The following IMPG1 variants were observed in gnomAD, a reference collection of about 807,000 sequenced individuals.
The protein encoded by IMPG1 is interphotoreceptor matrix proteoglycan 1, also known as interphotoreceptor matrix proteoglycan of 150 kDa.
Under a neutral mutation model 92.0 loss-of-function variants are expected in IMPG1, and 85 were observed. The ratio of observed to expected loss-of-function variants is 0.92; its 90% CI spans 0.78 to 1.11. The LOEUF is 1.11. IMPG1 is among the 50% of genes least tolerant of loss of function. IMPG1 has a pLI of 0.00. For missense variants in IMPG1, 1,022 were observed against 956.0 expected, an observed-to-expected ratio of 1.07 and a Z score of -0.91; for synonymous variants, 367 against 334.1, an observed-to-expected ratio of 1.10 and a Z score of -1.08.
intron 4 of IMPG1, among the ~76,000 whole-genome samples, chr6:76,032,769 T>G (rs1783672514): frequency 6.6e-6 from 1 of 152,224 alleles, no homozygotes; most frequent in Admixed American, 6.5e-5. Flanking sequence ...AGGCAGATTC[T>G]TCCAAGCAAG....
intron 4 of IMPG1, among the ~76,000 whole-genome samples, chr6:76,031,769 A>C (rs999747429): frequency 6.6e-6 from 1 of 152,246 alleles, no homozygotes; most frequent in African/African-American, 2.4e-5. Context: ...CTGTAAAAAA[A>C]AGTAACCAAG....
At chr6:75,997,282 G>T (rs1409972542) in intron 12 of IMPG1, among the ~76,000 whole-genome samples, 1 of 152,192 alleles carries the variant, frequency 6.6e-6, no homozygotes, top group Non-Finnish European at 1.5e-5. Context: ...TGGTAAGAAA[G>T]AACAGGCAAA....
At chr6:75,947,576 G>GAAA in intron 13 of IMPG1, 43 bp from the exon 14 acceptor site, 1 of 1,342,222 alleles carries the variant, frequency 7.5e-7, no homozygotes, top group Admixed American at 1.9e-5. Flanking sequence ...TGTTCTAAGT[G>GAAA]CTCAGCTGCT....
intron 12 of IMPG1, among the ~76,000 whole-genome samples, chr6:75,965,389 T>C (rs1331599329): frequency 1.4e-4 from 21 of 151,462 alleles, no homozygotes; most frequent in Admixed American, 1.4e-3. Flanking sequence ...TAATTTTAGC[T>C]ATTCTGATCA....
chr6:75,975,811 A>T (rs1275018016), intron 12 of IMPG1, among the ~76,000 whole-genome samples: 1 of 152,218 alleles, frequency 6.6e-6, no homozygotes. Context: ...CAACTACTCA[A>T]CTATGCTGCT....
At chr6:75,957,369 G>C (rs533671445) in intron 12 of IMPG1, among the ~76,000 whole-genome samples, 2 of 152,318 alleles carry the variant, frequency 1.3e-5, no homozygotes, top group South Asian at 4.1e-4. Flanking sequence ...GTGGTGCTGA[G>C]AAGAATGTAT....
intron 12 of IMPG1, among the ~76,000 whole-genome samples, chr6:75,967,815 A>G (rs1302042105): frequency 1.3e-5 from 2 of 152,220 alleles, no homozygotes; most frequent in Admixed American, 6.5e-5. Flanking sequence ...TTGTAAGTGA[A>G]AGAAAGAGTG....
At chr6:75,949,534 A>G (rs1781988834) in intron 13 of IMPG1, among the ~76,000 whole-genome samples, 2 of 152,208 alleles carry the variant, frequency 1.3e-5, no homozygotes, top group South Asian at 4.1e-4. Flanking sequence ...TGCTCTGTCT[A>G]TGGAGTAGCC....
intron 6 of IMPG1, among the ~76,000 whole-genome samples, chr6:76,020,839 C>G (rs919691771): frequency 6.6e-6 from 1 of 152,156 alleles, no homozygotes; most frequent in African/African-American, 2.4e-5. Flanking sequence ...GTGTGACTTA[C>G]TTTCCAATCT....
chr6:76,028,238 C>T (rs535780790), intron 4 of IMPG1, among the ~76,000 whole-genome samples: 1 of 152,194 alleles, frequency 6.6e-6, no homozygotes, highest in Admixed American at 6.5e-5. Context: ...TATTCACAGA[C>T]AATTGCTGTC....
chr6:76,036,904 CA>C (rs1471184896), intron 2 of IMPG1, among the ~76,000 whole-genome samples: 2 of 148,676 alleles, frequency 1.3e-5, no homozygotes, highest in African/African-American at 5.0e-5. Flanking sequence ...TTAAACTTGA[CA>C]AAAAACTAGA....
chr6:76,035,519 A>T (rs1004897583), intron 2 of IMPG1, among the ~76,000 whole-genome samples: 1 of 151,340 alleles, frequency 6.6e-6, no homozygotes, highest in Non-Finnish European at 1.5e-5. Context: ...AAAAAAAAAA[A>T]AAAAAGAAAA....
intron 12 of IMPG1, among the ~76,000 whole-genome samples, chr6:75,959,182 C>T (rs1782175373): frequency 6.6e-6 from 1 of 152,128 alleles, no homozygotes. Context: ...ACTGTAGACC[C>T]TGTTTTCCTG....
chr6:76,042,391 C>A (rs772224824), intron 1 of IMPG1, among the ~76,000 whole-genome samples: 2 of 151,990 alleles, frequency 1.3e-5, no homozygotes, highest in Non-Finnish European at 2.9e-5. Flanking sequence ...ATATTGAAAC[C>A]ATTTCCCACA....
In IMPG1 at chr6:75,921,800, G is replaced by A. The variant is rs144253965; in HGVS notation, c.*289C>T. 714 of 237,348 alleles carry A rather than the reference G, an allele frequency of 3.0e-3. 4 individuals are homozygous for A. Among genetic ancestry groups the A allele is most frequent in the Non-Finnish European group, 4.3e-3 (533 of 123,376 alleles). 14.7% of individuals were successfully genotyped at this position (237,348 alleles called of 1,614,324 possible). On this transcript the variant is annotated 3_prime_UTR_variant, in exon 17 of 17. Coordinates refer to ENST00000369950, the MANE Select transcript of IMPG1 (RefSeq NM_001563.4). ...GTGAGTAAAATTTTCAGGGAAGGTGGAAGCAAACCTGGCTTATGATCATTT... is the reference window on the plus strand; with the variant it reads ...GTGAGTAAAATTTTCAGGGAAGGTGAAAGCAAACCTGGCTTATGATCATTT...
intron 1 of IMPG1, among the ~76,000 whole-genome samples, chr6:76,045,732 C>A (rs1320636897): frequency 6.6e-6 from 1 of 152,052 alleles, no homozygotes; most frequent in African/African-American, 2.4e-5. Flanking sequence ...ATGAAAGCAC[C>A]CTTGAGTAAG....
chr6:76,036,679 A>C (rs1783747204), intron 2 of IMPG1, among the ~76,000 whole-genome samples: 1 of 152,242 alleles, frequency 6.6e-6, no homozygotes, highest in Non-Finnish European at 1.5e-5. Flanking sequence ...TGAGGAGAAA[A>C]GTAGAATGGA....
chr6:76,030,253 T>C (rs1382546873), intron 4 of IMPG1, among the ~76,000 whole-genome samples: 1 of 152,048 alleles, frequency 6.6e-6, no homozygotes, highest in Non-Finnish European at 1.5e-5. Flanking sequence ...TTGGCACTCA[T>C]GGTGGGACCT....
At chr6:75,924,667 A>T (rs1315428832) in intron 15 of IMPG1, among the ~76,000 whole-genome samples, 1 of 8,004 alleles carries the variant, frequency 1.2e-4, no homozygotes, top group Non-Finnish European at 2.2e-4. Context: ...AATATATAAT[A>T]AATTATATAT....
Sources: allele counts gnomAD v4.1 joint callset (sites outside exome capture counted in the v4.1 genomes callset), GRCh38; gene constraint gnomAD v4.1.1; transcripts MANE v1.5; gene names NCBI Gene and HGNC (gene_info 2026-07-23, HGNC 2026-07-21).